The following PKNOX1 variants were observed in gnomAD, a reference collection of about 807,000 sequenced individuals.
The protein encoded by PKNOX1 is homeobox protein PKNOX1.
Under a neutral mutation model 51.9 loss-of-function variants are expected in PKNOX1, and 15 were observed. That is an observed-to-expected ratio of 0.29 (90% CI 0.19 to 0.45). The LOEUF is 0.45. Ranked by LOEUF, PKNOX1 falls within the 20% of genes least tolerant of loss-of-function variation. The pLI is 1.00. For missense variants in PKNOX1, 462 were observed against 547.5 expected (o/e 0.84, Z 1.56); for synonymous variants, 219 against 211.1 (o/e 1.04, Z -0.32).
At chr21:43,019,793 C>T (rs915306254) in intron 7 of PKNOX1, among the ~76,000 whole-genome samples, 32 of 152,152 alleles carry the variant, frequency 2.1e-4, no homozygotes, top group African/African-American at 7.2e-4. Context: ...CCGCCTGCCT[C>T]GGCCTCCCAA....
chr21:43,028,689 T>G lies in PKNOX1; in HGVS notation c.927-13T>G. 6.2e-7 allele frequency: 1 copy of G among 1,612,496 alleles called. No homozygotes were observed. The highest frequency in any genetic ancestry group is 8.5e-7 in the Non-Finnish European group (1 of 1,179,424). Reference sequence around the variant, plus strand: ...AGGCTGTTTTCATGGAAGCTTCTCTTTGTTGACTCCAGGTTCATCAATGCC... The same window carrying G: ...AGGCTGTTTTCATGGAAGCTTCTCTGTGTTGACTCCAGGTTCATCAATGCC... On this transcript the variant is annotated splice_polypyrimidine_tract_variant and intron_variant, in intron 9 of 10. Transcript: ENST00000291547.
intron 9 of PKNOX1, among the ~76,000 whole-genome samples, chr21:43,026,937 A>T (rs1980009206): frequency 6.6e-6 from 1 of 152,138 alleles, no homozygotes; most frequent in Non-Finnish European, 1.5e-5. Context: ...ATAATTGTAG[A>T]TATTTTTAAA....
At chr21:43,022,931 G>A (rs1404760796) in intron 8 of PKNOX1, among the ~76,000 whole-genome samples, 1 of 152,192 alleles carries the variant, frequency 6.6e-6, no homozygotes, top group Non-Finnish European at 1.5e-5. Flanking sequence ...ATAACATAAT[G>A]ATAGAACAAC....
rs944627246 is a variant in PKNOX1, at chr21:43,014,306, C to A, written c.522+1068C>A. ...AAAGTGCTGGGATTACAAGCATGAG[C>A]TACCACGCCTGGCCGTCTTTTGCGC... On this transcript the variant is annotated intron_variant, in intron 5 of 10. Transcript: ENST00000291547. Among the ~76,000 whole-genome samples, 8 of 152,176 alleles carry A rather than the reference C, an allele frequency of 5.3e-5. No homozygotes were observed. In the South Asian group the frequency reaches 1.5e-3, roughly 28 times the overall value.
chr21:43,004,510 C>A, intron 2 of PKNOX1, 78 bp downstream of exon 2: 1 of 932,760 alleles, frequency 1.1e-6, no homozygotes, highest in Non-Finnish European at 1.8e-6. Flanking sequence ...TGTATACTTG[C>A]AATTCAATTG....
chr21:42,978,811 A>C (rs2059011746), intron 1 of PKNOX1, among the ~76,000 whole-genome samples: 1 of 151,704 alleles, frequency 6.6e-6, no homozygotes, highest in South Asian at 2.1e-4. Flanking sequence ...AAAGAGATGA[A>C]GTCTCCCTAT....
intron 3 of PKNOX1, among the ~76,000 whole-genome samples, chr21:43,007,927 G>A (rs1310644245): frequency 6.6e-6 from 1 of 151,948 alleles, no homozygotes. Context: ...AGCCAGACAT[G>A]GTGGCACATG....
intron 1 of PKNOX1, among the ~76,000 whole-genome samples, chr21:42,992,991 A>C (rs112172439): frequency 0.037 from 5,642 of 152,126 alleles, 150 homozygotes; most frequent in Middle Eastern, 0.061. Flanking sequence ...CGTTCCTCAC[A>C]GCATGGGGCT....
At chr21:43,008,956 C>G (rs910434090) in intron 3 of PKNOX1, among the ~76,000 whole-genome samples, 1 of 152,156 alleles carries the variant, frequency 6.6e-6, no homozygotes, top group Non-Finnish European at 1.5e-5. Flanking sequence ...TGCCCATGCC[C>G]ATCAACTGAT....
chr21:43,010,030 T>G (rs1411409610), intron 3 of PKNOX1, 23 bp from the exon 4 acceptor site: 3 of 1,487,846 alleles, frequency 2.0e-6, no homozygotes, highest in Non-Finnish European at 2.7e-6. Context: ...GTAAATGGAT[T>G]CTTTTTTTTC....
intron 9 of PKNOX1, among the ~76,000 whole-genome samples, chr21:43,027,172 G>A (rs1176331058): frequency 6.6e-6 from 1 of 152,156 alleles, no homozygotes; most frequent in Non-Finnish European, 1.5e-5. Flanking sequence ...TGTGACTCTA[G>A]CAAGAGGTCA....
At chr21:42,981,300 G>C (rs911269582) in intron 1 of PKNOX1, among the ~76,000 whole-genome samples, 1 of 152,238 alleles carries the variant, frequency 6.6e-6, no homozygotes, top group African/African-American at 2.4e-5. Context: ...CCCTGCTCGT[G>C]ACAGTGTGCA....
At position 43,030,377 on chromosome 21, in the gene PKNOX1, C is replaced by A; in HGVS notation, c.*276C>A. 3.7e-6 allele frequency: 1 copy of A among 273,038 alleles called. No individual in the cohort carries two copies. Among genetic ancestry groups the A allele is most frequent in the Non-Finnish European group, 6.8e-6 (1 of 146,300 alleles). The allele number at this position is 273,038 out of a possible 1,614,324, so 16.9% of individuals were successfully genotyped here. A position where few individuals can be genotyped will look rare whatever the true frequency, so the allele number is the denominator to read the frequency against. On this transcript the variant is annotated 3_prime_UTR_variant, in exon 11 of 11. Transcript: ENST00000291547. Reference sequence around the variant, plus strand: ...TGAGGAATGACACACCACTCCCTCCCCACCTTGAATCCCTAATTAGATTAA... The same window carrying A: ...TGAGGAATGACACACCACTCCCTCCACACCTTGAATCCCTAATTAGATTAA...
chr21:43,023,934 C>T (rs1979878331), intron 8 of PKNOX1, among the ~76,000 whole-genome samples: 1 of 150,534 alleles, frequency 6.6e-6, no homozygotes, highest in Non-Finnish European at 1.5e-5. Context: ...TTTTTTTTCC[C>T]AGATGGCCAG....
chr21:43,002,642 T>G (rs1978814441), intron 1 of PKNOX1, among the ~76,000 whole-genome samples: 1 of 152,172 alleles, frequency 6.6e-6, no homozygotes, highest in Non-Finnish European at 1.5e-5. Context: ...CTAAGATGGC[T>G]CAATGTGCTC....
intron 1 of PKNOX1, among the ~76,000 whole-genome samples, chr21:42,989,318 T>C (rs35072279): frequency 0.035 from 5,358 of 152,252 alleles, 135 homozygotes; most frequent in Middle Eastern, 0.061. Context: ...TCCATTTTTT[T>C]CAGCTTTTGT....
intron 7 of PKNOX1, among the ~76,000 whole-genome samples, chr21:43,020,903 T>C (rs1357889875): frequency 6.6e-6 from 1 of 152,182 alleles, no homozygotes; most frequent in Non-Finnish European, 1.5e-5. Context: ...CAAAGACTTA[T>C]CATGTGCCAG....
chr21:43,031,950 C>T lies in PKNOX1; in HGVS notation c.*1849C>T, dbSNP rs1266322941. On this transcript the variant is annotated 3_prime_UTR_variant, in exon 11 of 11. Coordinates refer to ENST00000291547, the MANE Select transcript of PKNOX1 (RefSeq NM_004571.5). Reference sequence around the variant, plus strand: ...AATCTCAGCTCACTGCAACCTCCACCTCTTATGTTCAAGCAATTCTCCTTC... The same window carrying T: ...AATCTCAGCTCACTGCAACCTCCACTTCTTATGTTCAAGCAATTCTCCTTC... 3.3e-6 allele frequency: 1 copy of T among 300,384 alleles called. No individual in the cohort carries two copies. The highest frequency in any genetic ancestry group is 6.8e-6 in the Non-Finnish European group (1 of 147,144). The allele number at this position is 300,384 out of a possible 1,614,324, so 18.6% of individuals were successfully genotyped here.
rs1043283044 is a variant in PKNOX1, at chr21:43,030,404, G to A, written c.*303G>A. On this transcript the variant is annotated 3_prime_UTR_variant, in exon 11 of 11. Transcript: ENST00000291547. ...ACCTTGAATCCCTAATTAGATTAAG[G>A]AATAGCGCTGCCATTTTCTAAACCG... 4 of 221,872 alleles carry A rather than the reference G, an allele frequency of 1.8e-5. No homozygotes were observed. Among genetic ancestry groups the A allele is most frequent in the Non-Finnish European group, 3.5e-5 (4 of 114,130 alleles). 13.7% of individuals were successfully genotyped at this position (221,872 alleles called of 1,614,324 possible).
Sources: gnomAD v4.1 joint callset for allele counts (sites outside exome capture counted in the v4.1 genomes callset) on GRCh38, gnomAD v4.1.1 for gene constraint, MANE v1.5 for transcripts, NCBI Gene and HGNC (gene_info 2026-07-23, HGNC 2026-07-21) for gene names.